SYTL2: variants seen among roughly 807,000 people sequenced by gnomAD.
SYTL2 encodes the protein synaptotagmin like 2, also known as synaptotagmin-like protein 2.
SYTL2 carries 165 observed loss-of-function variants against 198.7 expected under a neutral mutation model. The observed-to-expected ratio is 0.83, with a 90% CI of 0.73 to 0.94. The LOEUF (loss-of-function observed/expected upper bound fraction) is 0.94. SYTL2 is among the 40% of genes least tolerant of loss of function. The probability of loss-of-function intolerance (pLI) is 0.00; values close to 1 mark genes in which losing one functional copy is unlikely to be tolerated. For synonymous variants in SYTL2, 966 were observed against 917.7 expected (o/e 1.05, Z -0.95); for missense variants, 2,835 against 2,582.8 (o/e 1.10, Z -2.12).
Position 85,793,028 on chromosome 11 carries a change from T to C in SYTL2, c.-390+17926A>G, listed in dbSNP as rs1255294917. Among the ~76,000 whole-genome samples, 3 of 152,020 alleles carry C rather than the reference T, an allele frequency of 2.0e-5. 1 individual carries two copies. The highest frequency in any genetic ancestry group is 7.3e-5 in the African/African-American group (3 of 41,270). On this transcript the variant is annotated intron_variant, in intron 1 of 19. Transcript: ENST00000359152. ...CACATTTTCTTAATCCAGTCTATCA[T>C]TGTTGAACATTTGGGTTGGTTCCAA... is the stretch of plus-strand genomic sequence containing the variant.
intron 1 of SYTL2, among the ~76,000 whole-genome samples, chr11:85,809,082 C>T (rs2092997737): frequency 6.6e-6 from 1 of 152,180 alleles, no homozygotes; most frequent in Non-Finnish European, 1.5e-5. Flanking sequence ...CTGGGCTTCC[C>T]CTAGGCTGCC....
At position 85,695,315 on chromosome 11, in the gene SYTL2, G is replaced by C; in HGVS notation, c.6600C>G (p.Asp2200Glu). ...CTTCCTCTGAAGTAGAGTCCATCCA[G>C]TCCACTTCAGTCCCATAACTTTTAC... ...GTGKSYGTEV[D>E]WMDSTSEEVA... is the part of the protein sequence containing the mutation. The change falls in exon 20 of 20, where the codon GAC becomes GAG. Residue 2200 changes from aspartate to glutamate, a missense_variant. Around this residue, in one of 3 missense-constraint regions of SYTL2, gnomAD observed 185 missense variants for 182.1 expected, o/e 1.02. Coordinates refer to ENST00000359152, the MANE Select transcript of SYTL2 (RefSeq NM_206927.4). 6.3e-7 allele frequency: 1 copy of C among 1,576,566 alleles called. No homozygotes were observed.
intron 1 of SYTL2, among the ~76,000 whole-genome samples, chr11:85,786,604 A>G (rs1322458416): frequency 6.6e-6 from 1 of 152,182 alleles, no homozygotes; most frequent in Non-Finnish European, 1.5e-5. Context: ...CTCTGCTACC[A>G]TCAGCACTAC....
At chr11:85,844,899 C>T in the SYTL2 span, among the ~76,000 whole-genome samples, 1 of 152,288 alleles carries the variant, frequency 6.6e-6, no homozygotes, top group South Asian at 2.1e-4. Context: ...TCCCTACTTG[C>T]TTCTCCAGCC....
intron 1 of SYTL2, among the ~76,000 whole-genome samples, chr11:85,765,479 C>T (rs1378056370): frequency 1.3e-5 from 2 of 152,230 alleles, no homozygotes; most frequent in African/African-American, 4.8e-5. Context: ...TCGTGATCTG[C>T]CCACCTTGTC....
At chr11:85,841,465 T>C in the SYTL2 span, among the ~76,000 whole-genome samples, 11 of 152,234 alleles carry the variant, frequency 7.2e-5, no homozygotes, top group Admixed American at 5.9e-4. Flanking sequence ...GTGGCACACA[T>C]ACACCATGGA....
At position 85,777,812 on chromosome 11, in the gene SYTL2, C is replaced by CTTTTTTTTT. The variant is rs57873368; in HGVS notation, c.-389-19707_-389-19699dup. Among the ~76,000 whole-genome samples, 364 of 63,316 alleles carry CTTTTTTTTT rather than the reference C, an allele frequency of 5.7e-3. 29 individuals are homozygous for CTTTTTTTTT. The highest frequency in any genetic ancestry group is 6.6e-3 in the African/African-American group (115 of 17,556). 41.5% of individuals were successfully genotyped at this position (63,316 alleles called of 152,430 possible). A position where few individuals can be genotyped will look rare whatever the true frequency, so the allele number is the denominator to read the frequency against. On this transcript the variant is annotated intron_variant, in intron 1 of 19. Transcript: ENST00000359152. ...CTTACCAGAATTACAGGTCTTACTT[C>CTTTTTTTTT]TTTTTTTTTTTTTTTTTTTTTTTTT... is the stretch of plus-strand genomic sequence containing the variant.
chr11:85,743,121 C>T (rs2090921182), intron 4 of SYTL2, among the ~76,000 whole-genome samples: 1 of 152,202 alleles, frequency 6.6e-6, no homozygotes, highest in African/African-American at 2.4e-5. Context: ...TCACCTTACA[C>T]TCCCCAACTT....
the SYTL2 span, among the ~76,000 whole-genome samples, chr11:85,836,411 T>C: frequency 6.6e-6 from 1 of 152,146 alleles, no homozygotes; most frequent in Non-Finnish European, 1.5e-5. Context: ...AACTTTGCCA[T>C]GTTTAACTGG....
intron 4 of SYTL2, among the ~76,000 whole-genome samples, chr11:85,743,404 G>C (rs910714722): frequency 1.3e-5 from 2 of 152,158 alleles, no homozygotes; most frequent in African/African-American, 2.4e-5. Flanking sequence ...AAGCATCCTG[G>C]ATACGCCTAA....
chr11:85,841,992 TC>T, the SYTL2 span, among the ~76,000 whole-genome samples: 1 of 152,224 alleles, frequency 6.6e-6, no homozygotes. Context: ...TATTCATTTA[TC>T]CAAACATTCG....
In SYTL2 at chr11:85,786,584, G is replaced by T. The variant is rs111434823; in HGVS notation, c.-390+24370C>A. On this transcript the variant is annotated intron_variant, in intron 1 of 19. Transcript: ENST00000359152. Reference sequence around the variant, plus strand: ...AAGATTAATTTAAAAACATTCTGAAGCGACCTCTCCTCTGCTACCATCAGC... The same window carrying T: ...AAGATTAATTTAAAAACATTCTGAATCGACCTCTCCTCTGCTACCATCAGC... Among the ~76,000 whole-genome samples the T allele has an allele frequency of 4.5e-3, 681 of 152,200 alleles. 6 individuals are homozygous for T. The highest frequency in any genetic ancestry group is 0.015 in the African/African-American group (628 of 41,514).
intron 7 of SYTL2, among the ~76,000 whole-genome samples, chr11:85,730,000 G>A (rs1318839469): frequency 1.3e-5 from 2 of 152,114 alleles, no homozygotes; most frequent in Non-Finnish European, 2.9e-5. Flanking sequence ...TAGAAGAAAT[G>A]GATAAATTCC....
intron 8 of SYTL2, among the ~76,000 whole-genome samples, chr11:85,721,597 A>C (rs2088314717): frequency 6.6e-6 from 1 of 152,210 alleles, no homozygotes; most frequent in South Asian, 2.1e-4. Flanking sequence ...ATCATGAATA[A>C]GCTTAAGTAC....
chr11:85,740,161 T>C (rs1413567847), intron 4 of SYTL2, among the ~76,000 whole-genome samples: 1 of 152,210 alleles, frequency 6.6e-6, no homozygotes, highest in African/African-American at 2.4e-5. Context: ...GGCAAGGTAC[T>C]GGAGACCATC....
chr11:85,847,081 C>T, the SYTL2 span, among the ~76,000 whole-genome samples: 10 of 152,158 alleles, frequency 6.6e-5, no homozygotes, highest in African/African-American at 2.2e-4. Context: ...AATTTATATA[C>T]AATAAAATGT....
intron 4 of SYTL2, among the ~76,000 whole-genome samples, chr11:85,740,489 A>G (rs2090701501): frequency 6.6e-6 from 1 of 152,180 alleles, no homozygotes; most frequent in Non-Finnish European, 1.5e-5. Flanking sequence ...ACTATTTGCT[A>G]TCATGTGGTC....
At chr11:85,779,838 A>T (rs1490327537) in intron 1 of SYTL2, among the ~76,000 whole-genome samples, 1 of 152,222 alleles carries the variant, frequency 6.6e-6, no homozygotes, top group Non-Finnish European at 1.5e-5. Context: ...ATCTCACTGA[A>T]GAGAGGGGCC....
intron 1 of SYTL2, among the ~76,000 whole-genome samples, chr11:85,802,220 CT>C (rs5793172): frequency 5.3e-4 from 65 of 122,550 alleles, no homozygotes; most frequent in East Asian, 7.0e-4. Flanking sequence ...TTTTTCTTTT[CT>C]TTTTTTTTTT....
Sources: gnomAD v4.1 joint callset for allele counts (sites outside exome capture counted in the v4.1 genomes callset) on GRCh38, gnomAD v4.1.1 for gene constraint, gnomAD v4.1.1 regional missense constraint, MANE v1.5 for transcripts, NCBI Gene and HGNC (gene_info 2026-07-23, HGNC 2026-07-21) for gene names.